SET: variants seen among roughly 807,000 people sequenced by gnomAD.
SET encodes protein SET.
A neutral mutation model predicts 39.0 loss-of-function variants in SET; 4 were observed. The observed-to-expected ratio is 0.10, with a 90% CI of 0.05 to 0.23. SET has a LOEUF of 0.23. SET is among the 10% of genes least tolerant of loss of function. SET has a pLI of 1.00. For synonymous variants in SET, 114 were observed against 115.9 expected (o/e 0.98, Z 0.11); for missense variants, 137 against 329.7 (o/e 0.42, Z 4.53).
chr9:128,683,653 G>C (rs749359159), upstream of SET: 19 of 431,418 alleles, frequency 4.4e-5, no homozygotes, highest in Non-Finnish European at 5.0e-5. Flanking sequence ...CCAAAGCCAA[G>C]AGTGCCCCTG....
rs770165772 is a variant in SET, at chr9:128,691,062, T to G, written c.74-108T>G. On this transcript the variant is annotated intron_variant, in intron 1 of 7. Transcript: ENST00000322030. The stretch of plus-strand genomic sequence containing the variant: ...ACATGTGGAACGCTTGCCTTTGTAC[T>G]AGGCGTTTTTGTTTTTGTTTTAATG... 17 of 833,816 alleles carry G rather than the reference T, an allele frequency of 2.0e-5. No homozygotes were observed. The African/African-American group carries it at 2.5e-4, about 12-fold the overall frequency. 51.7% of individuals were successfully genotyped at this position (833,816 alleles called of 1,614,324 possible).
chr9:128,692,205 G>T, intron 3 of SET: 1 of 493,588 alleles, frequency 2.0e-6, no homozygotes, highest in Non-Finnish European at 3.6e-6. Context: ...TGGCCAACAG[G>T]TTGAAACCCC....
chr9:128,691,841 C>T lies in SET; in HGVS notation c.132-17C>T, dbSNP rs3750330. Reference sequence around the variant, plus strand: ...TTAAATACTATCATTGTCAACATCTCTTTTCATTTGCTTCAGACTTAATGA... The same window carrying T: ...TTAAATACTATCATTGTCAACATCTTTTTTCATTTGCTTCAGACTTAATGA... On this transcript the variant is annotated splice_polypyrimidine_tract_variant and intron_variant, in intron 2 of 7. Transcript: ENST00000322030. 0.97 allele frequency: 1,549,476 copies of T among 1,600,674 alleles called. 756,334 individuals are homozygous for T. Among genetic ancestry groups the T allele is most frequent in the Non-Finnish European group, 1 (1,170,180 of 1,173,816 alleles).
At chr9:128,693,093 A>G (rs978715939) in intron 5 of SET, 112 bp downstream of exon 5, 4 of 721,494 alleles carry the variant, frequency 5.5e-6, no homozygotes, top group Non-Finnish European at 9.3e-6. Flanking sequence ...CAAAACCTTA[A>G]AATATAAAAC....
At chr9:128,686,109 A>C (rs777027437), upstream of SET, among the ~76,000 whole-genome samples, 54 of 151,870 alleles carry the variant, frequency 3.6e-4, no homozygotes, top group Non-Finnish European at 7.2e-4. Flanking sequence ...GAGGCCAAGA[A>C]GAGAGAATGC....
At chr9:128,684,073 T>C (rs1005928806) in intron 1 of SET, 1 of 1,287,154 alleles carries the variant, frequency 7.8e-7, no homozygotes. Flanking sequence ...CTCTGATTTT[T>C]ACCCCCCAAT....
chr9:128,689,580 A>G lies in SET; in HGVS notation c.-3A>G, dbSNP rs773144788. 5 of 1,329,454 alleles carry G rather than the reference A, an allele frequency of 3.8e-6. No individual in the cohort carries two copies. Among genetic ancestry groups the G allele is most frequent in the Admixed American group, 5.2e-5 (2 of 38,704 alleles). 82.4% of individuals were successfully genotyped at this position (1,329,454 alleles called of 1,614,324 possible). A position where few individuals can be genotyped will look rare whatever the true frequency, so the allele number is the denominator to read the frequency against. On this transcript the variant is annotated 5_prime_UTR_variant, in exon 1 of 8. Coordinates refer to ENST00000322030, the MANE Select transcript of SET (RefSeq NM_003011.4). ...GCTCCCCCCCCGACCGCGGAGCAGC[A>G]CCATGTCGGCGCCGGCGGCCAAAGT...
At chr9:128,685,164 C>T (rs774499236), upstream of SET, 1 of 1,591,666 alleles carries the variant, frequency 6.3e-7, no homozygotes, top group South Asian at 1.1e-5. Context: ...CCCTTTTCCT[C>T]CACATGGGAT....
At chr9:128,691,564 C>T (rs1861535930) in intron 2 of SET, among the ~76,000 whole-genome samples, 1 of 152,106 alleles carries the variant, frequency 6.6e-6, no homozygotes, top group African/African-American at 2.4e-5. Flanking sequence ...TTAGAAATCG[C>T]GCTTGAGGGA....
At chr9:128,687,951 T>G (rs1184847145), upstream of SET, among the ~76,000 whole-genome samples, 3 of 152,112 alleles carry the variant, frequency 2.0e-5, no homozygotes, top group Non-Finnish European at 4.4e-5. Context: ...GCGCAGTGGC[T>G]CCCGCCTGTA....
In SET at chr9:128,693,891, T is replaced by C. The variant is rs1050736210; in HGVS notation, c.664-5T>C. Reference sequence around the variant, plus strand: ...GTCCTTATATTGTGCTTTTTTTTTTTTAAGGTTCCCGATATGGATGATGAA... The same window carrying C: ...GTCCTTATATTGTGCTTTTTTTTTTCTAAGGTTCCCGATATGGATGATGAA... On this transcript the variant is annotated splice_region_variant and splice_polypyrimidine_tract_variant and intron_variant, in intron 6 of 7. Coordinates refer to ENST00000322030, the MANE Select transcript of SET (RefSeq NM_003011.4). 5.0e-6 allele frequency: 8 copies of C among 1,592,958 alleles called. No individual in the cohort carries two copies. The highest frequency in any genetic ancestry group is 6.8e-6 in the Non-Finnish European group (8 of 1,171,700).
At chr9:128,687,472 G>C (rs561451872), upstream of SET, among the ~76,000 whole-genome samples, 2 of 152,210 alleles carry the variant, frequency 1.3e-5, no homozygotes, top group Non-Finnish European at 2.9e-5. Context: ...GCAGGGCGTG[G>C]TGACTCACAT....
chr9:128,691,810 A>G (rs898303114), intron 2 of SET, 48 bp from the exon 3 acceptor site: 1 of 1,547,712 alleles, frequency 6.5e-7, no homozygotes, highest in Non-Finnish European at 8.7e-7. Flanking sequence ...CCAATTTTTT[A>G]ATTTGTTAAA....
intron 1 of SET, chr9:128,684,041 A>C (rs1014964919): frequency 4.1e-6 from 6 of 1,477,924 alleles, no homozygotes; most frequent in Non-Finnish European, 3.7e-6. Context: ...TTGGAGATTT[A>C]AGGGATTTGC....
At chr9:128,691,591 C>A (rs1257559990) in intron 2 of SET, among the ~76,000 whole-genome samples, 2 of 152,122 alleles carry the variant, frequency 1.3e-5, no homozygotes, top group Non-Finnish European at 2.9e-5. Flanking sequence ...TGAAATTGGA[C>A]TGGAAATGGA....
upstream of SET, chr9:128,684,988 T>G (rs900749714): frequency 1.7e-4 from 244 of 1,424,546 alleles, no homozygotes; most frequent in Non-Finnish European, 2.0e-4. Flanking sequence ...TAGGGGAGGG[T>G]TGTGGTGGAG....
chr9:128,684,942 A>C, upstream of SET: 1 of 1,127,432 alleles, frequency 8.9e-7, no homozygotes, highest in Non-Finnish European at 1.2e-6. Context: ...GGAGCTGGAT[A>C]GAGAGTTGAC....
upstream of SET, chr9:128,689,125 A>T: frequency 1.7e-5 from 5 of 300,970 alleles, no homozygotes; most frequent in Non-Finnish European, 2.4e-5. Flanking sequence ...CCGCCCCCTC[A>T]TCCCGCCGCC....
rs1423250598 is a variant in SET at position 128,693,886 on chromosome 9, T to C, written c.664-10T>C. 6.3e-7 allele frequency: 1 copy of C among 1,595,822 alleles called. No individual in the cohort carries two copies. Among genetic ancestry groups the C allele is most frequent in the Non-Finnish European group, 8.5e-7 (1 of 1,174,134 alleles). ...AATGAGTCCTTATATTGTGCTTTTT[T>C]TTTTTTAAGGTTCCCGATATGGATG... On this transcript the variant is annotated splice_polypyrimidine_tract_variant and intron_variant, in intron 6 of 7. Coordinates refer to ENST00000322030, the MANE Select transcript of SET (RefSeq NM_003011.4).
Sources: gnomAD v4.1 joint callset for allele counts (sites outside exome capture counted in the v4.1 genomes callset) on GRCh38, gnomAD v4.1.1 for gene constraint, MANE v1.5 for transcripts, NCBI Gene and HGNC (gene_info 2026-07-23, HGNC 2026-07-21) for gene names.